EIF3H: variants seen among roughly 807,000 people sequenced by gnomAD.
The protein encoded by EIF3H is eukaryotic translation initiation factor 3 subunit H, also known as eIF-3-gamma.
In EIF3H, 26 loss-of-function variants were observed where a neutral mutation model predicts 44.2. The observed-to-expected ratio is 0.59, with a 90% CI of 0.43 to 0.82. EIF3H has a LOEUF of 0.82. Among genes scored for constraint, EIF3H ranks in the 40% least tolerant of loss-of-function variants. The pLI is 0.00. For missense variants in EIF3H, 359 were observed against 432.8 expected, an observed-to-expected ratio of 0.83 and a Z score of 1.51; for synonymous variants, 166 against 151.9, an observed-to-expected ratio of 1.09 and a Z score of -0.68.
chr8:116,760,944 T>G (rs1815513446), intron 1 of EIF3H, among the ~76,000 whole-genome samples: 4 of 152,220 alleles, frequency 2.6e-5, no homozygotes, highest in Admixed American at 2.6e-4. Context: ...GTAATAATAT[T>G]TGGTTACCTA....
chr8:116,644,456 T>C lies in EIF3H; in HGVS notation c.*550A>G, dbSNP rs139060058. Reference sequence around the variant, plus strand: ...TATGAGTACGGGGACTGGTTGACCATCACCTGCAGAAATGAAAAGGCAGAC... The same window carrying C: ...TATGAGTACGGGGACTGGTTGACCACCACCTGCAGAAATGAAAAGGCAGAC... On this transcript the variant is annotated 3_prime_UTR_variant, in exon 8 of 8. Coordinates refer to ENST00000521861, the MANE Select transcript of EIF3H (RefSeq NM_003756.3). 2.6e-3 allele frequency: 391 copies of C among 153,316 alleles called. 4 individuals carry two copies. The highest frequency in any genetic ancestry group is 9.1e-3 in the African/African-American group (376 of 41,542). 9.5% of individuals were successfully genotyped at this position (153,316 alleles called of 1,614,324 possible). A position where few individuals can be genotyped will look rare whatever the true frequency, so the allele number is the denominator to read the frequency against.
At chr8:116,669,312 G>T (rs909827718) in intron 2 of EIF3H, among the ~76,000 whole-genome samples, 3 of 152,156 alleles carry the variant, frequency 2.0e-5, no homozygotes, top group African/African-American at 7.2e-5. Flanking sequence ...CAATATAATT[G>T]CATTGTACCA....
chr8:116,706,793 C>A (rs1407494186), intron 2 of EIF3H, among the ~76,000 whole-genome samples: 3 of 152,184 alleles, frequency 2.0e-5, no homozygotes, highest in Non-Finnish European at 4.4e-5. Flanking sequence ...TATCTGCCCG[C>A]CTCAGCCTCC....
intron 1 of EIF3H, chr8:116,734,134 T>C: frequency 2.8e-6 from 1 of 363,218 alleles, no homozygotes; most frequent in Non-Finnish European, 5.4e-6. Context: ...CCTTGGAGAC[T>C]CTCTAAAAGG....
At position 116,644,897 on chromosome 8, in the gene EIF3H, C is replaced by T; in HGVS notation, c.*109G>A. 1.2e-6 allele frequency: 1 copy of T among 861,704 alleles called. No individual in the cohort carries two copies. The highest frequency in any genetic ancestry group is 1.8e-6 in the Non-Finnish European group (1 of 555,258). The allele number at this position is 861,704 out of a possible 1,614,324, so 53.4% of individuals were successfully genotyped here. On this transcript the variant is annotated 3_prime_UTR_variant, in exon 8 of 8. Transcript: ENST00000521861. ...GTTATAGCCAAAATCGGCAATGACA[C>T]TAAAGAAATCCTCTGTGCTTTTCAA...
chr8:116,754,878 C>A (rs1472181890), intron 1 of EIF3H, among the ~76,000 whole-genome samples: 2 of 152,164 alleles, frequency 1.3e-5, no homozygotes, highest in Non-Finnish European at 1.5e-5. Flanking sequence ...TTACAAATAT[C>A]TAAGATCTGC....
upstream of EIF3H, chr8:116,756,012 G>A (rs1384669705): frequency 1.3e-6 from 2 of 1,535,812 alleles, no homozygotes; most frequent in African/African-American, 2.7e-5. Context: ...TCTTTCCGAT[G>A]GAATGATCTA....
At chr8:116,656,964 G>A (rs1183470082) in intron 4 of EIF3H, among the ~76,000 whole-genome samples, 1 of 152,004 alleles carries the variant, frequency 6.6e-6, no homozygotes, top group African/African-American at 2.4e-5. Context: ...TTATTTCTTC[G>A]AATCCAGTAG....
chr8:116,718,117 G>GA (rs1277571885), intron 2 of EIF3H, among the ~76,000 whole-genome samples: 1 of 151,806 alleles, frequency 6.6e-6, no homozygotes, highest in Non-Finnish European at 1.5e-5. Flanking sequence ...ACAAACATAT[G>GA]AAAAAATGCT....
At chr8:116,729,677 G>T (rs539078718) in intron 1 of EIF3H, among the ~76,000 whole-genome samples, 7 of 152,276 alleles carry the variant, frequency 4.6e-5, no homozygotes, top group African/African-American at 1.7e-4. Context: ...ATCAGTATGA[G>T]TAAGAATCCA....
intron 2 of EIF3H, among the ~76,000 whole-genome samples, chr8:116,672,168 A>G (rs113568401): frequency 7.9e-5 from 12 of 152,254 alleles, no homozygotes; most frequent in Non-Finnish European, 1.6e-4. Context: ...TCTGCCGTGA[A>G]TAAAATTCCA....
upstream of EIF3H, among the ~76,000 whole-genome samples, chr8:116,760,380 T>C (rs1586501093): frequency 6.6e-6 from 1 of 152,274 alleles, no homozygotes; most frequent in Non-Finnish European, 1.5e-5. Flanking sequence ...TGGGAGGTTA[T>C]ACTTTGAAGA....
At chr8:116,677,702 C>A (rs1586448961) in intron 2 of EIF3H, among the ~76,000 whole-genome samples, 1 of 152,162 alleles carries the variant, frequency 6.6e-6, no homozygotes, top group Admixed American at 6.5e-5. Flanking sequence ...GTGTAACTTG[C>A]CCATATAATA....
rs1311794165 is a variant in EIF3H at position 116,644,068 on chromosome 8, T to C, written c.*938A>G. On this transcript the variant is annotated 3_prime_UTR_variant, in exon 8 of 8. Coordinates refer to ENST00000521861, the MANE Select transcript of EIF3H (RefSeq NM_003756.3). ...TAATATAAACAAAATGAAGTTTACTTGTGGTGGCATGATTCTTTTCTTTAA... is the reference window on the plus strand; with the variant it reads ...TAATATAAACAAAATGAAGTTTACTCGTGGTGGCATGATTCTTTTCTTTAA... 3.3e-5 allele frequency: 5 copies of C among 152,204 alleles called. No homozygotes were observed. Among genetic ancestry groups the C allele is most frequent in the Non-Finnish European group, 7.3e-5 (5 of 68,042 alleles). 9.4% of individuals were successfully genotyped at this position (152,204 alleles called of 1,614,324 possible). A position where few individuals can be genotyped will look rare whatever the true frequency, so the allele number is the denominator to read the frequency against.
At chr8:116,708,317 T>A (rs1342507030) in intron 2 of EIF3H, among the ~76,000 whole-genome samples, 4 of 151,994 alleles carry the variant, frequency 2.6e-5, no homozygotes, top group African/African-American at 7.2e-5. Context: ...TATTATTATT[T>A]ATTATTACTA....
intron 2 of EIF3H, among the ~76,000 whole-genome samples, chr8:116,668,249 T>G (rs970504789): frequency 6.6e-6 from 1 of 152,166 alleles, no homozygotes; most frequent in Non-Finnish European, 1.5e-5. Context: ...AATATAAAAC[T>G]ATAAAACATC....
chr8:116,713,001 T>C (rs866129148), intron 2 of EIF3H, among the ~76,000 whole-genome samples: 3 of 152,274 alleles, frequency 2.0e-5, no homozygotes, highest in Middle Eastern at 6.8e-3. Context: ...ATACTGTAAT[T>C]GTGACTTTTT....
chr8:116,664,331 A>C (rs1813632471), intron 2 of EIF3H, among the ~76,000 whole-genome samples: 1 of 152,234 alleles, frequency 6.6e-6, no homozygotes, highest in Non-Finnish European at 1.5e-5. Flanking sequence ...GTCACATATG[A>C]AAACACTGAA....
At chr8:116,757,993 A>C (rs1344650577), upstream of EIF3H, among the ~76,000 whole-genome samples, 1 of 152,222 alleles carries the variant, frequency 6.6e-6, no homozygotes, top group Non-Finnish European at 1.5e-5. Context: ...AAGTGCTGGG[A>C]TTATAGGCGT....
Sources: allele counts gnomAD v4.1 joint callset (sites outside exome capture counted in the v4.1 genomes callset), GRCh38; gene constraint gnomAD v4.1.1; transcripts MANE v1.5; gene names NCBI Gene and HGNC (gene_info 2026-07-23, HGNC 2026-07-21).